CSMD3: variants seen among roughly 807,000 people sequenced by gnomAD.
CSMD3 encodes the protein CUB and sushi domain-containing protein 3.
In CSMD3, 177 loss-of-function variants were observed where a neutral mutation model predicts 435.2. The ratio of observed to expected loss-of-function variants is 0.41; its 90% CI spans 0.36 to 0.46. The LOEUF is 0.46. CSMD3 is among the 20% of genes least tolerant of loss of function. The pLI, the probability that CSMD3 is intolerant of heterozygous loss-of-function variation, is 0.34. For synonymous variants in CSMD3, 1,656 were observed against 1,520.5 expected (o/e 1.09, Z -2.07); for missense variants, 4,265 against 4,504.6 (o/e 0.95, Z 1.52).
intron 67 of CSMD3, among the ~76,000 whole-genome samples, chr8:112,235,045 G>A (rs981420898): frequency 2.6e-5 from 4 of 152,056 alleles, no homozygotes; most frequent in Non-Finnish European, 2.9e-5. Context: ...TTTCACACTA[G>A]AATGATCAAG....
At chr8:112,518,565 A>G (rs1421376673) in intron 27 of CSMD3, among the ~76,000 whole-genome samples, 1 of 151,438 alleles carries the variant, frequency 6.6e-6, no homozygotes, top group African/African-American at 2.4e-5. Flanking sequence ...AATCTGAGGA[A>G]TTATAGTCTT....
chr8:112,970,450 C>A (rs2130907052), intron 7 of CSMD3, among the ~76,000 whole-genome samples: 1 of 147,908 alleles, frequency 6.8e-6, no homozygotes, highest in East Asian at 2.0e-4. Context: ...ATAGCTAAGG[C>A]AGTAAATTAT....
At chr8:113,137,676 A>C (rs2091450613) in intron 4 of CSMD3, among the ~76,000 whole-genome samples, 1 of 151,608 alleles carries the variant, frequency 6.6e-6, no homozygotes, top group Non-Finnish European at 1.5e-5. Context: ...AGAAGGGCAC[A>C]CCAGACCATT....
At chr8:113,010,813 T>C (rs1223047776) in intron 6 of CSMD3, among the ~76,000 whole-genome samples, 1 of 151,570 alleles carries the variant, frequency 6.6e-6, no homozygotes, top group Non-Finnish European at 1.5e-5. Context: ...ATCCATGATA[T>C]TTTCTTTTTA....
chr8:112,690,947 C>T (rs964016162), intron 13 of CSMD3, among the ~76,000 whole-genome samples: 3 of 151,940 alleles, frequency 2.0e-5, no homozygotes, highest in African/African-American at 4.8e-5. Context: ...ACTCAAATAT[C>T]GACACATTGC....
At chr8:112,959,693 A>G (rs1171356425) in intron 7 of CSMD3, among the ~76,000 whole-genome samples, 3 of 151,832 alleles carry the variant, frequency 2.0e-5, no homozygotes, top group Non-Finnish European at 4.4e-5. Context: ...CTAATAAACT[A>G]TACTACTAAT....
chr8:112,724,111 G>GT (rs1176195265), intron 13 of CSMD3, among the ~76,000 whole-genome samples: 1 of 152,002 alleles, frequency 6.6e-6, no homozygotes, highest in Admixed American at 6.6e-5. Flanking sequence ...GCAGAATAGG[G>GT]TAACTGTGGA....
chr8:112,928,845 T>A (rs1315953093), intron 9 of CSMD3, among the ~76,000 whole-genome samples: 1 of 148,458 alleles, frequency 6.7e-6, no homozygotes, highest in Non-Finnish European at 1.5e-5. Context: ...TAGTTCTAGA[T>A]CCCTGAGGAA....
intron 63 of CSMD3, among the ~76,000 whole-genome samples, chr8:112,250,565 G>C (rs1175692500): frequency 6.6e-6 from 1 of 151,328 alleles, no homozygotes; most frequent in African/African-American, 2.4e-5. Flanking sequence ...ATATCCTTCT[G>C]ACTGAACAAC....
At chr8:112,906,023 A>G (rs1180322058) in intron 10 of CSMD3, among the ~76,000 whole-genome samples, 7 of 151,382 alleles carry the variant, frequency 4.6e-5, no homozygotes, top group African/African-American at 1.7e-4. Context: ...TTACTATGTG[A>G]ATATATAAAA....
At chr8:112,534,983 C>T (rs1463566947) in intron 27 of CSMD3, among the ~76,000 whole-genome samples, 1 of 152,096 alleles carries the variant, frequency 6.6e-6, no homozygotes, top group African/African-American at 2.4e-5. Context: ...TTCAACAACC[C>T]TTCATGCTAA....
chr8:112,941,377 T>G (rs2083446557), intron 9 of CSMD3, among the ~76,000 whole-genome samples: 1 of 151,754 alleles, frequency 6.6e-6, no homozygotes, highest in Non-Finnish European at 1.5e-5. Context: ...CTGCTGGTGT[T>G]GAAGTTAGAA....
chr8:112,576,776 C>T (rs577485416), intron 23 of CSMD3, among the ~76,000 whole-genome samples: 1 of 151,856 alleles, frequency 6.6e-6, no homozygotes, highest in East Asian at 1.9e-4. Context: ...ACTATCTCCA[C>T]ACCTTGGCCT....
At chr8:112,699,031 C>T (rs1053361622) in intron 13 of CSMD3, among the ~76,000 whole-genome samples, 3 of 152,080 alleles carry the variant, frequency 2.0e-5, no homozygotes, top group Non-Finnish European at 4.4e-5. Context: ...CCCATCAGCA[C>T]TCTGTAAAAT....
intron 12 of CSMD3, among the ~76,000 whole-genome samples, chr8:112,811,258 C>T (rs1445034970): frequency 6.6e-6 from 1 of 151,848 alleles, no homozygotes; most frequent in East Asian, 1.9e-4. Context: ...AAATGCAAAT[C>T]TTTAAAAAAA....
At chr8:113,279,597 C>T (rs1177921727) in intron 2 of CSMD3, among the ~76,000 whole-genome samples, 1 of 151,604 alleles carries the variant, frequency 6.6e-6, no homozygotes. Context: ...TTTAAATAAT[C>T]AGCATGTAGT....
At chr8:112,876,035 T>C (rs2081272477) in intron 10 of CSMD3, among the ~76,000 whole-genome samples, 1 of 152,176 alleles carries the variant, frequency 6.6e-6, no homozygotes, top group African/African-American at 2.4e-5. Flanking sequence ...CATTGGTTTT[T>C]CCTTATCTTT....
intron 3 of CSMD3, among the ~76,000 whole-genome samples, chr8:113,206,611 C>G (rs2092773898): frequency 6.6e-6 from 1 of 152,032 alleles, no homozygotes; most frequent in Non-Finnish European, 1.5e-5. Context: ...GTTTTTACAC[C>G]CTTCAACCTT....
chr8:113,042,300 T>C (rs1483506360), intron 5 of CSMD3, among the ~76,000 whole-genome samples: 2 of 152,154 alleles, frequency 1.3e-5, no homozygotes, highest in Non-Finnish European at 2.9e-5. Context: ...AATCACAAAT[T>C]AATTAGAATA....
Sources: allele counts gnomAD v4.1 joint callset (sites outside exome capture counted in the v4.1 genomes callset), GRCh38; gene constraint gnomAD v4.1.1; transcripts MANE v1.5; gene names NCBI Gene and HGNC (gene_info 2026-07-23, HGNC 2026-07-21).